The following UBE3D variants were observed in gnomAD, a reference collection of about 807,000 sequenced individuals.
UBE3D encodes E3 ubiquitin-protein ligase E3D.
A neutral mutation model predicts 49.6 loss-of-function variants in UBE3D; 48 were observed. The observed-to-expected ratio is 0.97, with a 90% confidence interval of 0.77 to 1.23. The LOEUF (loss-of-function observed/expected upper bound fraction) is 1.23. Among genes scored for constraint, UBE3D ranks in the 50% most tolerant of loss-of-function variants. The probability of loss-of-function intolerance (pLI) is 0.00; values close to 1 mark genes in which losing one functional copy is unlikely to be tolerated. For missense variants in UBE3D, 452 were observed against 468.4 expected, an observed-to-expected ratio of 0.96 and a Z score of 0.32; for synonymous variants, 189 against 174.2, an observed-to-expected ratio of 1.08 and a Z score of -0.67.
At chr6:82,943,125 TGACTGCC>T (rs1342677041) in intron 9 of UBE3D, among the ~76,000 whole-genome samples, 1 of 152,246 alleles carries the variant, frequency 6.6e-6, no homozygotes, top group Non-Finnish European at 1.5e-5. Context: ...TAAGATTTAA[TGACTGCC>T]CTATTGGATT....
At chr6:82,884,460 G>T in the UBE3D span, among the ~76,000 whole-genome samples, 2 of 152,268 alleles carry the variant, frequency 1.3e-5, no homozygotes, top group South Asian at 4.2e-4. Context: ...AGAGTATTTT[G>T]CAGGGAGCGG....
intron 8 of UBE3D, among the ~76,000 whole-genome samples, chr6:82,999,037 G>A (rs929396757): frequency 5.3e-5 from 8 of 152,088 alleles, no homozygotes; most frequent in African/African-American, 1.4e-4. Context: ...CTTTCCAAAT[G>A]ACCATTTTAA....
intron 9 of UBE3D, among the ~76,000 whole-genome samples, chr6:82,954,284 T>C (rs909278297): frequency 1.3e-5 from 2 of 152,168 alleles, no homozygotes; most frequent in Non-Finnish European, 2.9e-5. Context: ...CTCAATCAAA[T>C]CCTACATTTT....
chr6:82,937,315 TAACAA>T (rs34862044), intron 9 of UBE3D, among the ~76,000 whole-genome samples: 6 of 150,634 alleles, frequency 4.0e-5, no homozygotes, highest in South Asian at 2.1e-4. Context: ...TTCCCCCTTC[TAACAA>T]AACAAAACAA....
At chr6:82,973,782 G>A (rs901020355) in intron 8 of UBE3D, among the ~76,000 whole-genome samples, 1 of 152,172 alleles carries the variant, frequency 6.6e-6, no homozygotes, top group Non-Finnish European at 1.5e-5. Flanking sequence ...CCAAGCAGGC[G>A]AAGTTTCATC....
At chr6:82,932,526 G>A (rs1299877242) in intron 9 of UBE3D, 4 of 151,996 alleles carry the variant, frequency 2.6e-5, no homozygotes, top group Admixed American at 6.6e-5. Context: ...TTCTGGTGGC[G>A]ATTCCAAATC....
chr6:83,051,533 C>CA (rs1179717569), intron 3 of UBE3D, among the ~76,000 whole-genome samples: 1 of 152,214 alleles, frequency 6.6e-6, no homozygotes, highest in Non-Finnish European at 1.5e-5. Flanking sequence ...ACTGATTTAA[C>CA]ATGTTCCAAC....
intron 9 of UBE3D, among the ~76,000 whole-genome samples, chr6:82,922,251 C>T (rs537462463): frequency 5.6e-4 from 86 of 152,244 alleles, no homozygotes; most frequent in African/African-American, 1.8e-3. Flanking sequence ...TTAAAGACAT[C>T]GAATCAGCAG....
At chr6:82,973,317 T>C (rs1318368977) in intron 8 of UBE3D, among the ~76,000 whole-genome samples, 2 of 152,230 alleles carry the variant, frequency 1.3e-5, no homozygotes, top group African/African-American at 4.8e-5. Context: ...TTATATCTGC[T>C]ATTAACTCAT....
intron 8 of UBE3D, among the ~76,000 whole-genome samples, chr6:82,995,512 A>ACACACACACG (rs1461837837): frequency 6.6e-6 from 1 of 151,992 alleles, no homozygotes; most frequent in African/African-American, 2.4e-5. Context: ...ACACACACAC[A>ACACACACACG]CACAGTCACC....
intron 8 of UBE3D, among the ~76,000 whole-genome samples, chr6:82,987,917 A>C (rs1321783561): frequency 6.6e-6 from 1 of 152,266 alleles, no homozygotes; most frequent in Non-Finnish European, 1.5e-5. Flanking sequence ...GACATGTGTC[A>C]ACATGGAGAA....
chr6:83,015,279 A>G (rs918651071), intron 8 of UBE3D, among the ~76,000 whole-genome samples: 1 of 152,058 alleles, frequency 6.6e-6, no homozygotes, highest in Non-Finnish European at 1.5e-5. Flanking sequence ...GAGTAGATCT[A>G]GAGAGACTAA....
chr6:82,953,318 T>G (rs943423837), intron 9 of UBE3D, among the ~76,000 whole-genome samples: 1 of 152,234 alleles, frequency 6.6e-6, no homozygotes, highest in Non-Finnish European at 1.5e-5. Context: ...ATTGATCACT[T>G]TGCTTATCTG....
chr6:83,004,167 T>C (rs905147580), intron 8 of UBE3D, among the ~76,000 whole-genome samples: 2 of 152,226 alleles, frequency 1.3e-5, no homozygotes, highest in Non-Finnish European at 2.9e-5. Flanking sequence ...TGTTACAGAT[T>C]AAGAGGCATA....
At chr6:82,907,828 C>T (rs533506413) in intron 9 of UBE3D, among the ~76,000 whole-genome samples, 107 of 152,190 alleles carry the variant, frequency 7.0e-4, no homozygotes, top group African/African-American at 2.5e-3. Flanking sequence ...CCAGCAATTC[C>T]ATTCCTAGAT....
chr6:82,981,981 G>A (rs1476194033), intron 8 of UBE3D, among the ~76,000 whole-genome samples: 2 of 152,104 alleles, frequency 1.3e-5, no homozygotes, highest in Admixed American at 6.6e-5. Context: ...CAAGAAAGAT[G>A]AGGTAATAAG....
chr6:83,007,868 C>A (rs1342051956), intron 8 of UBE3D, among the ~76,000 whole-genome samples: 1 of 151,962 alleles, frequency 6.6e-6, no homozygotes, highest in Non-Finnish European at 1.5e-5. Context: ...TCACTTGAGC[C>A]CAGAAGATTG....
rs143951888 is a variant in UBE3D at position 82,953,301 on chromosome 6, C to G, written c.1149+4011G>C. Among the ~76,000 whole-genome samples, 299 of 152,322 alleles carry G rather than the reference C, an allele frequency of 2.0e-3. 3 individuals carry two copies. Among genetic ancestry groups the G allele is most frequent in the African/African-American group, 6.3e-3 (261 of 41,552 alleles). On this transcript the variant is annotated intron_variant, in intron 9 of 9. Coordinates refer to ENST00000369747, the MANE Select transcript of UBE3D (RefSeq NM_198920.3). ...GTCTCCAGTACCCAGAGAGTCCCAT[C>G]CTATATATTGATCACTTTGCTTATC...
chr6:83,050,912 T>C (rs1783428525), intron 3 of UBE3D, among the ~76,000 whole-genome samples: 1 of 149,202 alleles, frequency 6.7e-6, no homozygotes, highest in Non-Finnish European at 1.5e-5. Flanking sequence ...CTTGCTTAAA[T>C]GAGGCAAAGG....
Sources: gnomAD v4.1 joint callset for allele counts (sites outside exome capture counted in the v4.1 genomes callset) on GRCh38, gnomAD v4.1.1 for gene constraint, MANE v1.5 for transcripts, NCBI Gene and HGNC (gene_info 2026-07-23, HGNC 2026-07-21) for gene names.